The following PXDNL variants were observed in gnomAD, a reference collection of about 807,000 sequenced individuals.
PXDNL encodes the protein peroxidasin like.
PXDNL carries 145 observed loss-of-function variants against 150.8 expected under a neutral mutation model. The observed-to-expected ratio is 0.96, with a 90% CI of 0.84 to 1.10. The LOEUF is 1.10. Ranked by LOEUF, PXDNL falls within the 50% of genes least tolerant of loss-of-function variation. The pLI is 0.00. For synonymous variants in PXDNL, 757 were observed against 725.7 expected (o/e 1.04, Z -0.69); for missense variants, 2,087 against 1,873.9 (o/e 1.11, Z -2.10).
intron 19 of PXDNL, among the ~76,000 whole-genome samples, chr8:51,355,208 T>C (rs1032648463): frequency 6.6e-6 from 1 of 152,174 alleles, no homozygotes; most frequent in Non-Finnish European, 1.5e-5. Context: ...ATGAAAATAC[T>C]ACAGTGTCAT....
chr8:51,642,895 A>C (rs1382320457), intron 2 of PXDNL, among the ~76,000 whole-genome samples: 1 of 152,208 alleles, frequency 6.6e-6, no homozygotes, highest in Non-Finnish European at 1.5e-5. Flanking sequence ...TTATACACCA[A>C]TAACAGGCAA....
chr8:51,461,245 C>T (rs1164808219), intron 8 of PXDNL, among the ~76,000 whole-genome samples: 3 of 152,218 alleles, frequency 2.0e-5, no homozygotes, highest in African/African-American at 7.2e-5. Context: ...TCTCAGAACA[C>T]TGAGAAGAGT....
intron 1 of PXDNL, among the ~76,000 whole-genome samples, chr8:51,746,663 A>G (rs549287169): frequency 7.1e-4 from 108 of 152,150 alleles, no homozygotes; most frequent in Non-Finnish European, 1.3e-3. Flanking sequence ...TTTATTATCT[A>G]CTTTGTAAGC....
chr8:51,386,977 T>A (rs923273488), intron 17 of PXDNL, among the ~76,000 whole-genome samples: 1 of 152,226 alleles, frequency 6.6e-6, no homozygotes, highest in African/African-American at 2.4e-5. Flanking sequence ...ATGCTCTGAC[T>A]TTTTTTCCAG....
At chr8:51,721,215 G>A (rs1005267413) in intron 1 of PXDNL, among the ~76,000 whole-genome samples, 22 of 152,216 alleles carry the variant, frequency 1.4e-4, no homozygotes, top group African/African-American at 5.3e-4. Context: ...CAGAGACCAC[G>A]AAAACTAAAA....
chr8:51,690,460 A>G (rs1182793598), intron 1 of PXDNL, among the ~76,000 whole-genome samples: 5 of 151,974 alleles, frequency 3.3e-5, no homozygotes, highest in Admixed American at 2.6e-4. Flanking sequence ...GAGAATGATG[A>G]TTTCCAATTT....
intron 9 of PXDNL, among the ~76,000 whole-genome samples, chr8:51,454,842 G>C (rs1327941266): frequency 6.6e-6 from 1 of 152,176 alleles, no homozygotes; most frequent in Non-Finnish European, 1.5e-5. Context: ...TACTCTAGCT[G>C]CATGAACAGA....
chr8:51,739,615 C>T lies in PXDNL; in HGVS notation c.164+69566G>A, dbSNP rs551327239. Among the ~76,000 whole-genome samples, 185 of 152,220 alleles carry T rather than the reference C, an allele frequency of 1.2e-3. 2 individuals are homozygous for T. Among genetic ancestry groups the T allele is most frequent in the African/African-American group, 4.2e-3 (174 of 41,532 alleles). On this transcript the variant is annotated intron_variant, in intron 1 of 22. Coordinates refer to ENST00000356297, the MANE Select transcript of PXDNL (RefSeq NM_144651.5). The stretch of plus-strand genomic sequence containing the variant: ...CACAAAAATCAATTTCATCTCACGC[C>T]TGTAATCCCAGCACTTTGGGAGGCC...
chr8:51,374,685 C>A lies in PXDNL; in HGVS notation c.3604G>T (p.Val1202Phe). The A allele has an allele frequency of 6.2e-7, 1 of 1,613,842 alleles. No homozygotes were observed. ...GDIDLWPALM[V>F]EDLIPGTRVG... ...CTTGTACCAGGAATCAGGTCTTCAA[C>A]CATAAGGGCGGGCCAGAGGTCAATG... Residue 1202 changes from valine (V) to phenylalanine (F), a missense_variant, in exon 18 of 23, where the codon GTT (valine) becomes TTT (phenylalanine). Transcript: ENST00000356297.
intron 4 of PXDNL, among the ~76,000 whole-genome samples, chr8:51,510,325 C>T (rs1014137685): frequency 1.3e-5 from 2 of 152,068 alleles, no homozygotes; most frequent in South Asian, 2.1e-4. Context: ...GAAGATCACG[C>T]TAAGACTTCC....
intron 19 of PXDNL, among the ~76,000 whole-genome samples, chr8:51,368,350 T>A (rs574513904): frequency 6.6e-6 from 1 of 152,162 alleles, no homozygotes; most frequent in African/African-American, 2.4e-5. Flanking sequence ...GATATAATGA[T>A]GTAAATCTTG....
intron 17 of PXDNL, among the ~76,000 whole-genome samples, chr8:51,377,754 C>T (rs929257319): frequency 2.0e-5 from 3 of 152,182 alleles, no homozygotes; most frequent in Admixed American, 1.3e-4. Context: ...TGCCTCCCTG[C>T]GGGGCAGGGC....
chr8:51,501,505 C>T (rs1204118136), intron 4 of PXDNL, among the ~76,000 whole-genome samples: 1 of 152,018 alleles, frequency 6.6e-6, no homozygotes, highest in African/African-American at 2.4e-5. Flanking sequence ...GACACTCGTG[C>T]ACACTCACAC....
intron 4 of PXDNL, among the ~76,000 whole-genome samples, chr8:51,507,210 G>A (rs1811314916): frequency 6.6e-6 from 1 of 152,158 alleles, no homozygotes; most frequent in South Asian, 2.1e-4. Flanking sequence ...GGGATGCAAG[G>A]AATACCATGA....
intron 1 of PXDNL, among the ~76,000 whole-genome samples, chr8:51,803,910 CT>C (rs2037648716): frequency 6.6e-6 from 1 of 152,202 alleles, no homozygotes; most frequent in Admixed American, 6.5e-5. Flanking sequence ...TTCTGAGCCC[CT>C]ACCCCTTCTA....
At chr8:51,672,164 TAC>T in intron 1 of PXDNL, among the ~76,000 whole-genome samples, 1 of 152,236 alleles carries the variant, frequency 6.6e-6, no homozygotes, top group African/African-American at 2.4e-5. Context: ...GTATTTTTAA[TAC>T]AGACAGGTTT....
intron 1 of PXDNL, among the ~76,000 whole-genome samples, chr8:51,756,717 G>A (rs1316480202): frequency 1.3e-5 from 2 of 151,330 alleles, no homozygotes; most frequent in African/African-American, 2.4e-5. Flanking sequence ...TTATTTTATT[G>A]TAATTTTTTC....
intron 19 of PXDNL, among the ~76,000 whole-genome samples, chr8:51,351,775 G>A (rs3097705): frequency 0.75 from 114,248 of 152,068 alleles, 43,306 homozygotes; most frequent in East Asian, 0.94. Flanking sequence ...TCACTTCCTC[G>A]TGGTTGTGTT....
At chr8:51,513,453 G>A (rs1811468514) in intron 4 of PXDNL, among the ~76,000 whole-genome samples, 1 of 152,224 alleles carries the variant, frequency 6.6e-6, no homozygotes, top group African/African-American at 2.4e-5. Flanking sequence ...AGAAGCCTCA[G>A]CTTGCACACC....
Sources: allele counts gnomAD v4.1 joint callset (sites outside exome capture counted in the v4.1 genomes callset), GRCh38; gene constraint gnomAD v4.1.1; transcripts MANE v1.5; gene names NCBI Gene and HGNC (gene_info 2026-07-23, HGNC 2026-07-21).